Variants in LZTFL1 observed in about 807,000 individuals in gnomAD.
LZTFL1 encodes the protein leucine zipper transcription factor like 1.
In LZTFL1, 25 loss-of-function variants were observed where a neutral mutation model predicts 45.9. The ratio of observed to expected loss-of-function variants is 0.54; its 90% confidence interval spans 0.40 to 0.76. The LOEUF (loss-of-function observed/expected upper bound fraction) is 0.76, where lower values mean the gene tolerates loss of function less well. Ranked by LOEUF, LZTFL1 falls within the 30% of genes least tolerant of loss-of-function variation. The pLI is 0.00. For missense variants in LZTFL1, 277 were observed against 331.1 expected (o/e 0.84, Z 1.27); for synonymous variants, 93 against 117.4 (o/e 0.79, Z 1.35).
At chr3:45,895,594 A>G (rs1279006429) in intron 2 of LZTFL1, among the ~76,000 whole-genome samples, 4 of 152,176 alleles carry the variant, frequency 2.6e-5, no homozygotes, top group Non-Finnish European at 5.9e-5. Flanking sequence ...TGCGCATGTA[A>G]TCCCAGCTAC....
chr3:45,859,883 C>G (rs115372223), intron 2 of LZTFL1, among the ~76,000 whole-genome samples: 1 of 151,752 alleles, frequency 6.6e-6, no homozygotes, highest in East Asian at 1.9e-4. Flanking sequence ...GTGATCTGCC[C>G]GTATATAGCA....
intron 2 of LZTFL1, among the ~76,000 whole-genome samples, chr3:45,890,310 T>TATATTTAAATATATATATAAC (rs1702124331): frequency 3.2e-5 from 2 of 63,014 alleles, no homozygotes; most frequent in Non-Finnish European, 5.7e-5. Flanking sequence ...ATAACATATA[T>TATATTTAAATATATATATAAC]ATATATTTAT....
intron 3 of LZTFL1, among the ~76,000 whole-genome samples, chr3:45,855,816 T>C (rs1466422431): frequency 6.6e-6 from 1 of 151,354 alleles, no homozygotes; most frequent in Non-Finnish European, 1.5e-5. Context: ...ACAAAGAAAA[T>C]AAAATACCTA....
intron 4 of LZTFL1, among the ~76,000 whole-genome samples, chr3:45,833,567 C>A (rs1223416148): frequency 4.6e-5 from 7 of 152,044 alleles, no homozygotes; most frequent in South Asian, 4.2e-4. Flanking sequence ...TACAGATAAA[C>A]AATAACTTGG....
chr3:45,856,557 G>T (rs539248025), intron 3 of LZTFL1, among the ~76,000 whole-genome samples: 1 of 152,114 alleles, frequency 6.6e-6, no homozygotes, highest in South Asian at 2.1e-4. Context: ...AAGAGCTTCT[G>T]CACAAAAGAA....
intron 2 of LZTFL1, among the ~76,000 whole-genome samples, chr3:45,836,396 T>C (rs2742364): frequency 0.075 from 11,480 of 152,238 alleles, 518 homozygotes; most frequent in Non-Finnish European, 0.089. Context: ...AGCTCATGCC[T>C]GTAATCCCAG....
At chr3:45,871,994 C>A (rs1482013231) in intron 2 of LZTFL1, among the ~76,000 whole-genome samples, 2 of 152,230 alleles carry the variant, frequency 1.3e-5, no homozygotes, top group Non-Finnish European at 2.9e-5. Context: ...CTGGGGTTAT[C>A]TGAGGGGCTC....
chr3:45,897,082 G>A (rs1702379664), intron 2 of LZTFL1, among the ~76,000 whole-genome samples: 1 of 152,166 alleles, frequency 6.6e-6, no homozygotes, highest in African/African-American at 2.4e-5. Context: ...AACAGCCTGT[G>A]GGCTCAGAGG....
intron 4 of LZTFL1, among the ~76,000 whole-genome samples, chr3:45,851,177 C>G (rs1295417448): frequency 6.6e-6 from 1 of 152,012 alleles, no homozygotes; most frequent in African/African-American, 2.4e-5. Flanking sequence ...CTCTAACTCT[C>G]TCACTCCCCT....
At chr3:45,910,569 T>C (rs893103286) in intron 2 of LZTFL1, among the ~76,000 whole-genome samples, 3 of 152,186 alleles carry the variant, frequency 2.0e-5, no homozygotes, top group African/African-American at 7.2e-5. Context: ...AGACTGTGAT[T>C]GGCTGAGGAG....
intron 2 of LZTFL1, among the ~76,000 whole-genome samples, chr3:45,906,702 C>T (rs534174270): frequency 5.3e-5 from 8 of 152,236 alleles, no homozygotes; most frequent in Non-Finnish European, 8.8e-5. Context: ...GCTACCTCTC[C>T]CAGGCTCTTC....
intron 2 of LZTFL1, among the ~76,000 whole-genome samples, chr3:45,912,017 T>A (rs1575314363): frequency 1.3e-5 from 2 of 152,282 alleles, no homozygotes; most frequent in East Asian, 3.8e-4. Flanking sequence ...ACCAGCTCCA[T>A]CTGCCAAGGC....
At chr3:45,896,019 T>G (rs1575300465) in intron 2 of LZTFL1, among the ~76,000 whole-genome samples, 2 of 152,232 alleles carry the variant, frequency 1.3e-5, no homozygotes, top group East Asian at 1.9e-4. Context: ...AACTAAATTA[T>G]TTATGATATG....
At chr3:45,861,081 T>C (rs1171330004) in intron 2 of LZTFL1, among the ~76,000 whole-genome samples, 2 of 151,978 alleles carry the variant, frequency 1.3e-5, no homozygotes, top group Non-Finnish European at 2.9e-5. Flanking sequence ...CTTGTGCAGA[T>C]GTGCTTAGGA....
At position 45,905,061 on chromosome 3, in the gene LZTFL1, A is replaced by G. The variant is rs181458859; in HGVS notation, c.-215+8059T>C. 5.3e-5 allele frequency among the ~76,000 whole-genome samples: 8 copies of G among 152,346 alleles called. 1 individual carries two copies. The East Asian group carries it at 1.5e-3, about 29-fold the overall frequency. On this transcript the variant is annotated intron_variant, in intron 2 of 4. Coordinates refer to the LZTFL1 transcript ENST00000472635. ...GGGCTCCCCGTGACTTTGAAAAAAG[A>G]GAAGTAATCATGGGCTCCAGCACCT...
At chr3:45,913,514 T>C (rs1000146887) in intron 1 of LZTFL1, among the ~76,000 whole-genome samples, 3 of 152,230 alleles carry the variant, frequency 2.0e-5, no homozygotes, top group Middle Eastern at 3.2e-3. Flanking sequence ...TCAGATCTAA[T>C]GACAACCTTC....
Position 45,825,591 on chromosome 3 carries a change from T to C in LZTFL1, c.*723A>G, listed in dbSNP as rs1575247309. 6.6e-6 allele frequency: 1 copy of C among 152,188 alleles called. No homozygotes were observed. Among genetic ancestry groups the C allele is most frequent in the African/African-American group, 2.4e-5 (1 of 41,460 alleles). 9.4% of individuals were successfully genotyped at this position (152,188 alleles called of 1,614,324 possible). ...ATTTATTCTGAGTCCAGATACTTTC[T>C]AAACTGTAGAAGTGCAGGATGGATT... On this transcript the variant is annotated 3_prime_UTR_variant, in exon 10 of 10. Transcript: ENST00000296135.
intron 2 of LZTFL1, among the ~76,000 whole-genome samples, chr3:45,899,224 G>A (rs560410973): frequency 5.3e-5 from 8 of 152,332 alleles, no homozygotes; most frequent in African/African-American, 1.9e-4. Flanking sequence ...ATCCTTCAAT[G>A]TGCTCAGGAG....
intron 2 of LZTFL1, among the ~76,000 whole-genome samples, chr3:45,906,522 C>T (rs1702680985): frequency 6.6e-6 from 1 of 152,214 alleles, no homozygotes; most frequent in South Asian, 2.1e-4. Context: ...AAAAGATGGA[C>T]AGGCACGAGT....
Sources: allele counts gnomAD v4.1 joint callset (sites outside exome capture counted in the v4.1 genomes callset), GRCh38; gene constraint gnomAD v4.1.1; transcripts MANE v1.5; gene names NCBI Gene and HGNC (gene_info 2026-07-23, HGNC 2026-07-21).